Variants in MAS1 observed in about 807,000 individuals in gnomAD.
The protein encoded by MAS1 is MAS1 proto-oncogene, G protein-coupled receptor, also known as proto-oncogene Mas.
For missense variants in MAS1, 387 were observed against 409.7 expected (o/e 0.94, Z 0.48); for synonymous variants, 163 against 164.2 (o/e 0.99, Z 0.05).
intron 1 of MAS1, among the ~76,000 whole-genome samples, chr6:159,894,937 G>A (rs745850906): frequency 6.6e-6 from 1 of 151,974 alleles, no homozygotes; most frequent in Non-Finnish European, 1.5e-5. Context: ...TTGGTTATGG[G>A]TTTGGTATTG....
At chr6:159,894,281 T>C (rs978878170) in intron 1 of MAS1, among the ~76,000 whole-genome samples, 14 of 151,802 alleles carry the variant, frequency 9.2e-5, no homozygotes, top group African/African-American at 2.7e-4. Context: ...TAGTCAGATG[T>C]GGTGGCGGGT....
At chr6:159,903,526 G>A (rs1360458580) in intron 2 of MAS1, among the ~76,000 whole-genome samples, 5 of 151,910 alleles carry the variant, frequency 3.3e-5, no homozygotes, top group African/African-American at 9.7e-5. Context: ...ATTTCACATC[G>A]TGCCCTCTCT....
intron 1 of MAS1, among the ~76,000 whole-genome samples, chr6:159,891,499 A>C (rs1782698609): frequency 6.6e-6 from 1 of 152,204 alleles, no homozygotes; most frequent in Non-Finnish European, 1.5e-5. Flanking sequence ...GCTTAATGAA[A>C]GCTTATGAAT....
In MAS1 at chr6:159,907,961, A is replaced by G; in HGVS notation, c.*28A>G. On this transcript the variant is annotated 3_prime_UTR_variant, in exon 3 of 3. Transcript: ENST00000674077. ...ACTGTGAGGGAAGTTGTGGATAAAA[A>G]TGGTGGAACACAGGTCATTTTTAGT... The G allele has an allele frequency of 6.4e-7, 1 of 1,559,976 alleles. No homozygotes were observed. Among genetic ancestry groups the G allele is most frequent in the East Asian group, 2.3e-5 (1 of 44,282 alleles).
chr6:159,906,994 A>G lies in MAS1; in HGVS notation c.39A>G (p.Glu13=). ...ACGTGACATCATTTGTTGTTGAGGA[A>G]CCCACGAACATCTCAACTGGCAGGA... ...GSNVTSFVVE[E]PTNISTGRNA... is the part of the protein sequence containing the mutation. The change falls in exon 3 of 3, where the codon GAA becomes GAG. Residue 13 remains glutamate, a synonymous_variant. Transcript: ENST00000674077. The G allele has an allele frequency of 6.2e-7, 1 of 1,611,472 alleles. No homozygotes were observed. The highest frequency in any genetic ancestry group is 8.5e-7 in the Non-Finnish European group (1 of 1,177,758).
At chr6:159,892,175 A>G (rs1048653221) in intron 1 of MAS1, among the ~76,000 whole-genome samples, 1 of 152,150 alleles carries the variant, frequency 6.6e-6, no homozygotes, top group Non-Finnish European at 1.5e-5. Context: ...GACGGGAATG[A>G]TGCATTTAAT....
chr6:159,896,896 C>T (rs759990522), intron 1 of MAS1, among the ~76,000 whole-genome samples: 7 of 151,702 alleles, frequency 4.6e-5, no homozygotes, highest in East Asian at 1.9e-4. Flanking sequence ...GTTTTTGAGA[C>T]GGAGTCTTGA....
In MAS1 at chr6:159,913,409, A is replaced by G. The variant is rs942582532; in HGVS notation, c.*5476A>G. On this transcript the variant is annotated 3_prime_UTR_variant, in exon 3 of 3. Transcript: ENST00000674077. ...AAAAAATTAAGTACTTTTGTGGCTT[A>G]AAAGAACAATGTATTGTCATTTCTC... The G allele has an allele frequency of 6.6e-6, 1 of 152,126 alleles. No homozygotes were observed. The highest frequency in any genetic ancestry group is 2.4e-5 in the African/African-American group (1 of 41,416). 9.4% of individuals were successfully genotyped at this position (152,126 alleles called of 1,614,324 possible). A position where few individuals can be genotyped will look rare whatever the true frequency, so the allele number is the denominator to read the frequency against.
chr6:159,906,802 G>T, intron 2 of MAS1, 118 bp from the exon 3 acceptor site: 2 of 806,708 alleles, frequency 2.5e-6, no homozygotes, highest in Non-Finnish European at 3.8e-6. Context: ...TGTAGAGTCT[G>T]TTAAACTTTT....
chr6:159,903,616 A>G (rs979672427), intron 2 of MAS1, among the ~76,000 whole-genome samples: 4 of 152,102 alleles, frequency 2.6e-5, no homozygotes, highest in Admixed American at 2.0e-4. Flanking sequence ...CTGCACTTTC[A>G]GAAGACAGCT....
chr6:159,912,904 C>G lies in MAS1; in HGVS notation c.*4971C>G, dbSNP rs1232438190. On this transcript the variant is annotated 3_prime_UTR_variant, in exon 3 of 3. Coordinates refer to ENST00000674077, the MANE Select transcript of MAS1 (RefSeq NM_002377.4). ...GAGTTAGACCGGTTAGCAGCTGAATCAGAGGTAAATAAACAAGGATGATGA... is the reference window on the plus strand; with the variant it reads ...GAGTTAGACCGGTTAGCAGCTGAATGAGAGGTAAATAAACAAGGATGATGA... 1 of 152,154 alleles carries G rather than the reference C, an allele frequency of 6.6e-6. No homozygotes were observed. The highest frequency in any genetic ancestry group is 1.9e-4 in the East Asian group (1 of 5,202). The allele number at this position is 152,154 out of a possible 1,614,324, so 9.4% of individuals were successfully genotyped here. A position where few individuals can be genotyped will look rare whatever the true frequency, so the allele number is the denominator to read the frequency against.
In MAS1 at chr6:159,906,927, C is replaced by T. The variant is rs1192412960; in HGVS notation, c.-29C>T. 1.3e-6 allele frequency: 2 copies of T among 1,551,312 alleles called. No homozygotes were observed. Among genetic ancestry groups the T allele is most frequent in the Non-Finnish European group, 1.7e-6 (2 of 1,146,106 alleles). On this transcript the variant is annotated 5_prime_UTR_variant, in exon 3 of 3. Transcript: ENST00000674077. ...TTCTGGACATATTTACAGAAAATTA[C>T]CTGAAGAGTTCCAACCTGAGGCCTC...
Position 159,907,008 on chromosome 6 carries a change from C to T in MAS1, c.53C>T (p.Ser18Leu), listed in dbSNP as rs1782895256. Reference sequence around the variant, plus strand: ...GTTGTTGAGGAACCCACGAACATCTCAACTGGCAGGAACGCCTCAGTCGGG... The same window carrying T: ...GTTGTTGAGGAACCCACGAACATCTTAACTGGCAGGAACGCCTCAGTCGGG... Reference protein sequence around the residue: ...SFVVEEPTNISTGRNASVGNA... With the variant: ...SFVVEEPTNILTGRNASVGNA... Residue 18 changes from serine to leucine, a missense_variant, in exon 3 of 3, where the codon TCA becomes TTA. Ser to Leu is a moderately radical substitution (Grantham distance 145). Transcript: ENST00000674077. 1.9e-6 allele frequency: 3 copies of T among 1,612,838 alleles called. No homozygotes were observed. The highest frequency in any genetic ancestry group is 2.5e-6 in the Non-Finnish European group (3 of 1,178,982).
At chr6:159,903,453 A>C (rs914468029) in intron 2 of MAS1, among the ~76,000 whole-genome samples, 2 of 152,162 alleles carry the variant, frequency 1.3e-5, no homozygotes, top group African/African-American at 4.8e-5. Context: ...GGCGGGCTGT[A>C]GGTTAGCCTG....
rs55793021 is a variant in MAS1, at chr6:159,908,509, G to GCACACACACACACACACACACA, written c.*591_*612dup. 2 of 145,878 alleles carry GCACACACACACACACACACACA rather than the reference G, an allele frequency of 1.4e-5. No homozygotes were observed. Among genetic ancestry groups the GCACACACACACACACACACACA allele is most frequent in the African/African-American group, 5.1e-5 (2 of 39,408 alleles). The allele number at this position is 145,878 out of a possible 1,614,324, so 9.0% of individuals were successfully genotyped here. Reference sequence around the variant, plus strand: ...AAGATATAAATTTTTGTTTTGTAAAGCACACACACACACACACACACACAC... The same window carrying GCACACACACACACACACACACA: ...AAGATATAAATTTTTGTTTTGTAAAGCACACACACACACACACACACACACACACACACACACACACACACAC... On this transcript the variant is annotated 3_prime_UTR_variant, in exon 3 of 3. Transcript: ENST00000674077.
rs12055373 is a variant in MAS1 at position 159,916,053 on chromosome 6, T to G, written c.*8120T>G. The G allele has an allele frequency of 0.071, 10,741 of 152,304 alleles. 394 individuals carry two copies. Among genetic ancestry groups the G allele is most frequent in the South Asian group, 0.096 (462 of 4,830 alleles). The allele number at this position is 152,304 out of a possible 1,614,324, so 9.4% of individuals were successfully genotyped here. On this transcript the variant is annotated 3_prime_UTR_variant, in exon 3 of 3. Transcript: ENST00000674077. ...GGCAGGTACAGGATCTACCTGCAAGTGACTACAGGGGTGGCTTCAGGGCTG... is the reference window on the plus strand; with the variant it reads ...GGCAGGTACAGGATCTACCTGCAAGGGACTACAGGGGTGGCTTCAGGGCTG...
At chr6:159,905,824 C>A (rs1339010268) in intron 2 of MAS1, among the ~76,000 whole-genome samples, 1 of 152,116 alleles carries the variant, frequency 6.6e-6, no homozygotes, top group African/African-American at 2.4e-5. Context: ...GGTGGATCAC[C>A]TGAGGTCGGG....
intron 1 of MAS1, among the ~76,000 whole-genome samples, chr6:159,892,757 A>T (rs1782713343): frequency 6.6e-6 from 1 of 152,138 alleles, no homozygotes; most frequent in Non-Finnish European, 1.5e-5. Context: ...CAAAGCCCAC[A>T]TCCTTACACA....
rs1028618417 is a variant in MAS1 at position 159,915,513 on chromosome 6, A to G, written c.*7580A>G. 1 of 152,148 alleles carries G rather than the reference A, an allele frequency of 6.6e-6. No individual in the cohort carries two copies. The highest frequency in any genetic ancestry group is 2.4e-5 in the African/African-American group (1 of 41,408). 9.4% of individuals were successfully genotyped at this position (152,148 alleles called of 1,614,324 possible). A position where few individuals can be genotyped will look rare whatever the true frequency, so the allele number is the denominator to read the frequency against. ...CAGGCACTCCTGTGGGGAAGGAGTG[A>G]TTTGCAGGCTTCATGCTGACATTAC... On this transcript the variant is annotated 3_prime_UTR_variant, in exon 3 of 3. Transcript: ENST00000674077.
Sources: allele counts gnomAD v4.1 joint callset (sites outside exome capture counted in the v4.1 genomes callset), GRCh38; gene constraint gnomAD v4.1.1; transcripts MANE v1.5; gene names NCBI Gene and HGNC (gene_info 2026-07-23, HGNC 2026-07-21).